PPT1: variants seen among roughly 807,000 people sequenced by gnomAD.
The protein encoded by PPT1 is ceroid-palmitoyl-palmitoyl-protein thioesterase 1.
Under a neutral mutation model 44.0 loss-of-function variants are expected in PPT1, and 24 were observed. The ratio of observed to expected loss-of-function variants is 0.54; its 90% CI spans 0.39 to 0.77. The LOEUF is 0.77. Ranked by LOEUF, PPT1 falls within the 30% of genes least tolerant of loss-of-function variation. PPT1 has a pLI of 0.00. For synonymous variants in PPT1, 148 were observed against 140.2 expected (o/e 1.06, Z -0.39); for missense variants, 341 against 378.8 (o/e 0.90, Z 0.83).
chr1:40,090,348 A>ATATG (rs1553167355), intron 4 of PPT1, among the ~76,000 whole-genome samples: 2 of 151,838 alleles, frequency 1.3e-5, no homozygotes, highest in African/African-American at 4.8e-5. Context: ...ATATATATAT[A>ATATG]TGTGTGTGTG....
intron 3 of PPT1, 32 bp from the exon 4 acceptor site, chr1:40,091,431 T>A: frequency 6.4e-7 from 1 of 1,560,754 alleles, no homozygotes; most frequent in Non-Finnish European, 8.8e-7. Flanking sequence ...TAGCTCCGAC[T>A]GTCAGATGGA....
intron 5 of PPT1, among the ~76,000 whole-genome samples, chr1:40,085,632 C>T (rs183167287): frequency 1.2e-3 from 178 of 152,288 alleles, no homozygotes; most frequent in African/African-American, 4.0e-3. Context: ...AGGCAAGACC[C>T]TCCACCAGCA....
chr1:40,076,202 C>T (rs527488995), intron 8 of PPT1, among the ~76,000 whole-genome samples: 13 of 152,058 alleles, frequency 8.5e-5, no homozygotes, highest in South Asian at 2.1e-4. Context: ...CACTGGCTCA[C>T]GCCTGTAATC....
At chr1:40,082,158 G>C (rs577973522) in intron 5 of PPT1, 1 of 152,314 alleles carries the variant, frequency 6.6e-6, no homozygotes, top group Non-Finnish European at 1.5e-5. Flanking sequence ...TTGGCAGGGA[G>C]AGAAATCAAA....
downstream of PPT1, chr1:40,072,154 T>A (rs1648158347): frequency 1.3e-5 from 5 of 398,724 alleles, no homozygotes; most frequent in Non-Finnish European, 2.2e-5. Flanking sequence ...CTAGCTGCTG[T>A]AGCAGTGCCC....
chr1:40,079,739 T>C (rs1648824844), intron 6 of PPT1, among the ~76,000 whole-genome samples: 1 of 152,168 alleles, frequency 6.6e-6, no homozygotes, highest in South Asian at 2.1e-4. Flanking sequence ...GACATGCCAC[T>C]GAGCATGGCA....
downstream of PPT1, chr1:40,072,369 T>C: frequency 3.3e-6 from 1 of 302,702 alleles, no homozygotes; most frequent in Middle Eastern, 8.8e-4. Flanking sequence ...GTCATGCTCA[T>C]CAGCTTATGG....
Position 40,096,097 on chromosome 1 carries a change from C to T in PPT1, c.124+1018G>A, listed in dbSNP as rs1020226379. Among the ~76,000 whole-genome samples the T allele has an allele frequency of 3.3e-5, 5 of 152,196 alleles. No homozygotes were observed. The East Asian group carries it at 9.6e-4, about 29-fold the overall frequency. On this transcript the variant is annotated intron_variant, in intron 1 of 8. Coordinates refer to ENST00000642050, the MANE Select transcript of PPT1 (RefSeq NM_000310.4). ...CCCATTTACTGTTCCTTCTACCAGA[C>T]AGCCAAATGGCAACTGTCCTCATCT...
chr1:40,089,823 T>C (rs983140581), intron 4 of PPT1, among the ~76,000 whole-genome samples: 1 of 152,128 alleles, frequency 6.6e-6, no homozygotes, highest in African/African-American at 2.4e-5. Context: ...TTATCTCAAA[T>C]AGTACCCACC....
chr1:40,086,233 A>G (rs1304061412), intron 5 of PPT1, among the ~76,000 whole-genome samples: 3 of 152,090 alleles, frequency 2.0e-5, no homozygotes, highest in Admixed American at 2.0e-4. Flanking sequence ...GTAGGAGGGT[A>G]GAGCGTGGGG....
chr1:40,095,101 T>C (rs1293610234), intron 1 of PPT1, among the ~76,000 whole-genome samples: 7 of 152,230 alleles, frequency 4.6e-5, no homozygotes, highest in Admixed American at 4.6e-4. Flanking sequence ...CAATAATCAG[T>C]TGTCAGCCTT....
chr1:40,078,579 A>T lies in PPT1; in HGVS notation c.707T>A (p.Val236Glu), dbSNP rs878853324. The change falls in exon 7 of 9, where the codon GTG becomes GAG. Residue 236 changes from valine to glutamate, a missense_variant. Physicochemically the swap from Val to Glu is moderately radical, Grantham distance 121. Coordinates refer to ENST00000642050, the MANE Select transcript of PPT1 (RefSeq NM_000310.4). ...TCTCACCTCCGAATCTACAGGGTCC[A>T]CAATGGAATCATTGAGGAATTTCAC... ...VMVKFLNDSI[V>E]DPVDSEWFGF... The T allele has an allele frequency of 6.2e-7, 1 of 1,613,876 alleles. No individual in the cohort carries two copies. Among genetic ancestry groups the T allele is most frequent in the South Asian group, 1.1e-5 (1 of 91,086 alleles).
intron 8 of PPT1, among the ~76,000 whole-genome samples, chr1:40,075,477 C>CTTTTTTTTTTTTTTTTTT (rs5773686): frequency 6.9e-6 from 1 of 144,702 alleles, no homozygotes; most frequent in African/African-American, 2.6e-5. Flanking sequence ...TTTCTCAAGC[C>CTTTTTTTTTTTTTTTTTT]TTTTTTTTTT....
At chr1:40,084,818 T>C (rs914723567) in intron 5 of PPT1, among the ~76,000 whole-genome samples, 5 of 152,172 alleles carry the variant, frequency 3.3e-5, no homozygotes, top group Non-Finnish European at 7.4e-5. Flanking sequence ...AGGGACATGC[T>C]CAGAAGTGAC....
intron 5 of PPT1, among the ~76,000 whole-genome samples, chr1:40,083,802 T>C (rs567378307): frequency 8.5e-5 from 13 of 152,178 alleles, no homozygotes; most frequent in African/African-American, 3.1e-4. Context: ...ACCATGCACT[T>C]TGGGAGGGTG....
chr1:40,077,116 C>T (rs1274408235), intron 7 of PPT1, among the ~76,000 whole-genome samples: 3 of 152,188 alleles, frequency 2.0e-5, no homozygotes, highest in Non-Finnish European at 2.9e-5. Context: ...TCTGAGAGGC[C>T]GCTTTCCACT....
Position 40,073,838 on chromosome 1 carries a change from C to T in PPT1, c.*223G>A. 1.5e-6 allele frequency: 1 copy of T among 649,084 alleles called. No homozygotes were observed. Among genetic ancestry groups the T allele is most frequent in the South Asian group, 1.8e-5 (1 of 56,286 alleles). 40.2% of individuals were successfully genotyped at this position (649,084 alleles called of 1,614,324 possible). A position where few individuals can be genotyped will look rare whatever the true frequency, so the allele number is the denominator to read the frequency against. On this transcript the variant is annotated 3_prime_UTR_variant, in exon 9 of 9. Transcript: ENST00000642050. ...TTGACCACATCAAAAGTTTGTAAAA[C>T]AATCTCCATGGTAATTAAACTTGCA...
chr1:40,091,512 T>C, intron 3 of PPT1, 113 bp from the exon 4 acceptor site: 1 of 959,832 alleles, frequency 1.0e-6, no homozygotes, highest in South Asian at 1.4e-5. Context: ...CCCGCAGAGT[T>C]TCAGGATTTT....
chr1:40,093,891 A>C, intron 1 of PPT1: 1 of 615,480 alleles, frequency 1.6e-6, no homozygotes, highest in Non-Finnish European at 3.0e-6. Context: ...CTCAAAAAAA[A>C]AAAAAAAAAA....
Sources: gnomAD v4.1 joint callset for allele counts (sites outside exome capture counted in the v4.1 genomes callset) on GRCh38, gnomAD v4.1.1 for gene constraint, MANE v1.5 for transcripts, NCBI Gene and HGNC (gene_info 2026-07-23, HGNC 2026-07-21) for gene names.